Variants in GYG2 observed in about 807,000 individuals in gnomAD.
GYG2 encodes the protein glycogenin 2, also known as glycogenin-2.
A neutral mutation model predicts 29.4 loss-of-function variants in GYG2; 29 were observed. The ratio of observed to expected loss-of-function variants is 0.99; its 90% CI spans 0.74 to 1.35. GYG2 has a LOEUF of 1.35. Among genes scored for constraint, GYG2 ranks in the 40% most tolerant of loss-of-function variants. GYG2 has a pLI of 0.00. For missense variants in GYG2, 370 were observed against 385.7 expected (o/e 0.96, Z 0.34); for synonymous variants, 167 against 172.3 (o/e 0.97, Z 0.24).
In GYG2 at chrX:2,843,416, C is replaced by T. The variant is rs2087550779; in HGVS notation, c.149+62C>T. The T allele has an allele frequency of 4.5e-6, 4 of 894,791 alleles. No individual in the cohort carries two copies. In the African/African-American group the frequency reaches 5.9e-5, roughly 13 times the overall value. 73.7% of individuals were successfully genotyped at this position (894,791 alleles called of 1,213,427 possible). On this transcript the variant is annotated intron_variant, in intron 3 of 10. Transcript: ENST00000398806. Reference sequence around the variant, plus strand: ...CCTATAGAAGGAGGGTCACCTCTCCCCTAAGAGGTCCTAGGAGTTATTCTG... The same window carrying T: ...CCTATAGAAGGAGGGTCACCTCTCCTCTAAGAGGTCCTAGGAGTTATTCTG...
intron 3 of GYG2, among the ~76,000 whole-genome samples, chrX:2,844,502 G>A (rs748682673): frequency 2.0e-4 from 20 of 102,476 alleles, no homozygotes; most frequent in African/African-American, 4.4e-4. Flanking sequence ...ACGCGTGTGC[G>A]TATATATGTG....
intron 10 of GYG2, 54 bp from the exon 11 acceptor site, chrX:2,880,998 T>C (rs948219456): frequency 1.1e-5 from 12 of 1,131,001 alleles, no homozygotes; most frequent in Non-Finnish European, 1.4e-5. Flanking sequence ...TAGCAGTCTT[T>C]CCCTCGATAA....
At chrX:2,846,620 C>T (rs2087744520) in intron 3 of GYG2, among the ~76,000 whole-genome samples, 1 of 110,027 alleles carries the variant, frequency 9.1e-6, no homozygotes, top group African/African-American at 3.3e-5. Context: ...TGGTGCGCAC[C>T]TATAGTCCCA....
At chrX:2,858,957 A>G (rs746385108) in intron 6 of GYG2, among the ~76,000 whole-genome samples, 1 of 111,644 alleles carries the variant, frequency 9.0e-6, no homozygotes, top group Admixed American at 9.6e-5. Flanking sequence ...TTTTAAGGAT[A>G]TGATGATTTG....
At chrX:2,835,178 T>G (rs1419850053) in intron 2 of GYG2, among the ~76,000 whole-genome samples, 1 of 111,921 alleles carries the variant, frequency 8.9e-6, no homozygotes, top group Non-Finnish European at 1.9e-5. Flanking sequence ...GAAGAGAATG[T>G]CTGGGTTATG....
chrX:2,835,418 T>C (rs1351495534), intron 2 of GYG2, among the ~76,000 whole-genome samples: 15 of 112,229 alleles, frequency 1.3e-4, no homozygotes, highest in African/African-American at 3.9e-4. Context: ...GGAATGCCCT[T>C]GGCCAATTAG....
Position 2,861,545 on chromosome X carries a change from G to A in GYG2, c.861G>A (p.Gly287=), listed in dbSNP as rs754634554. The A allele has an allele frequency of 8.3e-6, 10 of 1,207,192 alleles. No individual in the cohort carries two copies. Among genetic ancestry groups the A allele is most frequent in the Non-Finnish European group, 1.1e-5 (10 of 892,612 alleles). Residue 287 remains glycine (G), a synonymous_variant, in exon 8 of 11, where the codon GGG becomes GGA. Transcript: ENST00000398806. ...GHTLCHSDVG[G]PCADSASGVG... ...AGCTTTGCCACAGTGATGTGGGGGG[G>A]CCGTGTGCGGATTCAGCCTCTGGTG...
intron 2 of GYG2, among the ~76,000 whole-genome samples, chrX:2,832,101 A>C (rs1428178655): frequency 1.8e-5 from 2 of 113,054 alleles, no homozygotes; most frequent in African/African-American, 6.4e-5. Context: ...CTTCAAGGCA[A>C]GGCGATGTGG....
At chrX:2,875,228 T>C (rs1056354842) in intron 8 of GYG2, among the ~76,000 whole-genome samples, 5 of 111,631 alleles carry the variant, frequency 4.5e-5, no homozygotes, top group African/African-American at 1.6e-4. Flanking sequence ...GCAGCTCTTC[T>C]CAAGTGAGAC....
intron 8 of GYG2, 116 bp from the exon 9 acceptor site, chrX:2,875,694 T>C: frequency 2.0e-6 from 1 of 508,599 alleles, no homozygotes; most frequent in Non-Finnish European, 3.4e-6. Context: ...CTATCCCATA[T>C]CAAGTTGTAT....
At position 2,877,283 on chromosome X, in the gene GYG2, C is replaced by A; in HGVS notation, c.1227C>A (p.Asp409Glu). The change falls in exon 10 of 11, where the codon GAC becomes GAA. Residue 409 changes from aspartate (D) to glutamate (E), a missense_variant. Transcript: ENST00000398806. The part of the protein sequence containing the change: ...SQELPAEALR[D>E]PSLQDALEVD... Reference sequence around the variant, plus strand: ...AACTCCCTGCTGAGGCTCTCAGGGACCCCAGTCTGCAGGATGCACTGGAGG... The same window carrying A: ...AACTCCCTGCTGAGGCTCTCAGGGAACCCAGTCTGCAGGATGCACTGGAGG... 2.5e-6 allele frequency: 3 copies of A among 1,210,276 alleles called. No individual in the cohort carries two copies. The highest frequency in any genetic ancestry group is 3.4e-6 in the Non-Finnish European group (3 of 894,419).
rs761262900 is a variant in GYG2 at position 2,856,479 on chromosome X, G to C, written c.488-19G>C. 4.1e-6 allele frequency: 5 copies of C among 1,206,934 alleles called. No homozygotes were observed. Among genetic ancestry groups the C allele is most frequent in the Non-Finnish European group, 4.5e-6 (4 of 892,913 alleles). On this transcript the variant is annotated intron_variant, in intron 5 of 10. Coordinates refer to ENST00000398806, the MANE Select transcript of GYG2 (RefSeq NM_001079855.2). Reference sequence around the variant, plus strand: ...AGCCATACTTTGCTAACCTGCTTTTGTGTTTGCTCATTATGTAGGGGCAGA... The same window carrying C: ...AGCCATACTTTGCTAACCTGCTTTTCTGTTTGCTCATTATGTAGGGGCAGA...
chrX:2,854,880 C>G lies in GYG2; in HGVS notation c.325-113C>G, dbSNP rs1259392924. ...CCGGGAGGCGGAGGCCGCAGTGAGC[C>G]GAGACTGAAGCACTGCACTCCAGCC... On this transcript the variant is annotated intron_variant, in intron 4 of 10. Transcript: ENST00000398806. 3.4e-6 allele frequency: 3 copies of G among 872,314 alleles called. No individual in the cohort carries two copies. The African/African-American group carries it at 6.0e-5, about 17-fold the overall frequency. The allele number at this position is 872,314 out of a possible 1,213,427, so 71.9% of individuals were successfully genotyped here. A position where few individuals can be genotyped will look rare whatever the true frequency, so the allele number is the denominator to read the frequency against.
At chrX:2,859,463 ATAG>A (rs1445343091) in intron 6 of GYG2, among the ~76,000 whole-genome samples, 7 of 110,816 alleles carry the variant, frequency 6.3e-5, no homozygotes, top group South Asian at 3.8e-4. Context: ...TATGTTGATA[ATAG>A]TAGCATAGTA....
chrX:2,847,533 C>CAAA (rs34368863), intron 3 of GYG2, among the ~76,000 whole-genome samples: 5 of 56,243 alleles, frequency 8.9e-5, no homozygotes, highest in Admixed American at 2.6e-4. Context: ...ACTAAAAGTA[C>CAAA]AAAAAAAAAA....
At chrX:2,872,319 T>G (rs763437515) in intron 8 of GYG2, among the ~76,000 whole-genome samples, 1 of 112,747 alleles carries the variant, frequency 8.9e-6, no homozygotes, top group Admixed American at 9.4e-5. Context: ...ACTTTGAGAT[T>G]GCTGCATTCT....
At chrX:2,832,391 A>C (rs1159101186) in intron 2 of GYG2, among the ~76,000 whole-genome samples, 1 of 86,079 alleles carries the variant, frequency 1.2e-5, no homozygotes, top group Admixed American at 1.4e-4. Flanking sequence ...AGTTCCATAA[A>C]ACTCTCACTC....
rs2088323736 is a variant in GYG2, at chrX:2,867,414, G to C, written c.1038+5692G>C. ...AAAACAGACAGATCCAGCTCAGATGGAATTTGATCTGAAGGAAAGTGATAA... is the reference window on the plus strand; with the variant it reads ...AAAACAGACAGATCCAGCTCAGATGCAATTTGATCTGAAGGAAAGTGATAA... On this transcript the variant is annotated intron_variant, in intron 8 of 10. Transcript: ENST00000398806. 2.7e-5 allele frequency among the ~76,000 whole-genome samples: 3 copies of C among 111,717 alleles called. No individual in the cohort carries two copies. The South Asian group carries it at 1.1e-3, about 43-fold the overall frequency.
At chrX:2,829,739 C>T (rs2087219258) in intron 1 of GYG2, among the ~76,000 whole-genome samples, 1 of 106,534 alleles carries the variant, frequency 9.4e-6, no homozygotes, top group Non-Finnish European at 1.9e-5. Flanking sequence ...AGCAGGTGCG[C>T]GGGGCGGCGG....
Sources: allele counts gnomAD v4.1 joint callset (sites outside exome capture counted in the v4.1 genomes callset), GRCh38; gene constraint gnomAD v4.1.1; transcripts MANE v1.5; gene names NCBI Gene and HGNC (gene_info 2026-07-23, HGNC 2026-07-21).